The following TSNARE1 variants were observed in gnomAD, a reference collection of about 807,000 sequenced individuals.
TSNARE1 encodes t-SNARE domain containing 1.
A neutral mutation model predicts 62.0 loss-of-function variants in TSNARE1; 49 were observed. The ratio of observed to expected loss-of-function variants is 0.79; its 90% CI spans 0.63 to 1.00. The LOEUF (loss-of-function observed/expected upper bound fraction) is 1.00. TSNARE1 is among the 50% of genes least tolerant of loss of function. The pLI is 0.00. For synonymous variants in TSNARE1, 328 were observed against 294.4 expected (o/e 1.11, Z -1.17); for missense variants, 755 against 700.1 (o/e 1.08, Z -0.88).
At chr8:142,277,761 G>A in intron 11 of TSNARE1, 1 of 985,402 alleles carries the variant, frequency 1.0e-6, no homozygotes. Context: ...ATCCACCAGG[G>A]GTCACAGAAG....
At chr8:142,275,774 C>T in intron 11 of TSNARE1, 1 of 985,372 alleles carries the variant, frequency 1.0e-6, no homozygotes, top group Non-Finnish European at 1.2e-6. Context: ...CAGACCTGAG[C>T]TGACTTGAGC....
At chr8:142,378,243 C>A (rs1183756362) in intron 1 of TSNARE1, among the ~76,000 whole-genome samples, 1 of 152,238 alleles carries the variant, frequency 6.6e-6, no homozygotes, top group African/African-American at 2.4e-5. Flanking sequence ...GCGGACGCCA[C>A]ACCCACAGTT....
At chr8:142,259,193 G>A (rs1047164889) in intron 12 of TSNARE1, among the ~76,000 whole-genome samples, 9 of 152,246 alleles carry the variant, frequency 5.9e-5, no homozygotes, top group Non-Finnish European at 8.8e-5. Flanking sequence ...GCAGAAGGGC[G>A]ACAGCACCCC....
chr8:142,402,634 G>A (rs1195074320), intron 1 of TSNARE1, among the ~76,000 whole-genome samples: 3 of 152,246 alleles, frequency 2.0e-5, no homozygotes, highest in Non-Finnish European at 4.4e-5. Flanking sequence ...CAAGCACACA[G>A]GAACGGGGTC....
intron 1 of TSNARE1, among the ~76,000 whole-genome samples, chr8:142,357,495 G>A (rs897839659): frequency 6.6e-6 from 1 of 152,226 alleles, no homozygotes; most frequent in African/African-American, 2.4e-5. Flanking sequence ...GCTGCTGGGG[G>A]CACGTGAGGG....
chr8:142,239,369 T>C (rs1817581281), intron 12 of TSNARE1, among the ~76,000 whole-genome samples: 2 of 152,082 alleles, frequency 1.3e-5, no homozygotes, highest in Non-Finnish European at 2.9e-5. Context: ...GAACTAAAAA[T>C]AACCGGTAAC....
At chr8:142,334,811 C>A (rs974041123) in intron 4 of TSNARE1, among the ~76,000 whole-genome samples, 4 of 152,020 alleles carry the variant, frequency 2.6e-5, no homozygotes, top group African/African-American at 4.8e-5. Flanking sequence ...AAGTGCTGGA[C>A]GGAAAAACCT....
chr8:142,256,629 C>T (rs2130361029), intron 12 of TSNARE1, among the ~76,000 whole-genome samples: 1 of 151,740 alleles, frequency 6.6e-6, no homozygotes, highest in Non-Finnish European at 1.5e-5. Flanking sequence ...ACCACCACCA[C>T]CACAATCAGC....
At chr8:142,361,385 A>G (rs1230724090) in intron 1 of TSNARE1, among the ~76,000 whole-genome samples, 1 of 152,224 alleles carries the variant, frequency 6.6e-6, no homozygotes, top group African/African-American at 2.4e-5. Flanking sequence ...ACATGAGCGC[A>G]GGGACGGGCT....
rs534321755 is a variant in TSNARE1, at chr8:142,395,447, C to CG, written c.-40+7656dup. On this transcript the variant is annotated intron_variant, in intron 1 of 13. Coordinates refer to ENST00000524325, the MANE Select transcript of TSNARE1 (RefSeq NM_145003.5). ...CAGAGGGGCGGCCCCAGCAAAGACA[C>CG]GGGGGGCAGGCTGCAGGCAGCCTGC... 4.1e-3 allele frequency among the ~76,000 whole-genome samples: 627 copies of CG among 152,226 alleles called. 10 individuals carry two copies. Among genetic ancestry groups the CG allele is most frequent in the East Asian group, 0.025 (130 of 5,146 alleles).
intron 1 of TSNARE1, among the ~76,000 whole-genome samples, chr8:142,375,126 C>T (rs867528041): frequency 2.6e-5 from 4 of 152,380 alleles, no homozygotes; most frequent in South Asian, 2.1e-4. Context: ...GGTCACAGTA[C>T]ACTCCAAGCC....
At chr8:142,338,647 A>G (rs1832114213) in intron 4 of TSNARE1, among the ~76,000 whole-genome samples, 1 of 152,248 alleles carries the variant, frequency 6.6e-6, no homozygotes, top group African/African-American at 2.4e-5. Flanking sequence ...GCCACCAGGC[A>G]TGACACTGGC....
At position 142,291,104 on chromosome 8, in the gene TSNARE1, G is replaced by A. The variant is rs144176769; in HGVS notation, c.1291-6619C>T. Among the ~76,000 whole-genome samples the A allele has an allele frequency of 1.6e-3, 249 of 152,204 alleles. No homozygotes were observed. Among genetic ancestry groups the A allele is most frequent in the African/African-American group, 5.8e-3 (242 of 41,538 alleles). Reference sequence around the variant, plus strand: ...ATTGCTGCTCGCCACCCGCTGCTCAGGACTGGTGTCCTCAGCTGGGGATTA... The same window carrying A: ...ATTGCTGCTCGCCACCCGCTGCTCAAGACTGGTGTCCTCAGCTGGGGATTA... On this transcript the variant is annotated intron_variant, in intron 10 of 13. Transcript: ENST00000524325. The surrounding 1 kb of genome is among the most constrained non-coding windows in gnomAD (Gnocchi z 4.8).
chr8:142,243,424 G>C (rs538383948), intron 12 of TSNARE1, among the ~76,000 whole-genome samples: 1 of 152,312 alleles, frequency 6.6e-6, no homozygotes, highest in East Asian at 1.9e-4. Flanking sequence ...GCTTCTTAAA[G>C]AAGGAAATCC....
intron 2 of TSNARE1, among the ~76,000 whole-genome samples, chr8:142,347,289 G>C (rs975705814): frequency 3.9e-5 from 6 of 152,218 alleles, no homozygotes; most frequent in Admixed American, 6.5e-5. Context: ...ACACTGCCCT[G>C]GGAAAACCAG....
chr8:142,314,270 C>G (rs1042076450), intron 9 of TSNARE1, 114 bp downstream of exon 9: 5 of 987,176 alleles, frequency 5.1e-6, no homozygotes, highest in Non-Finnish European at 7.6e-6. Flanking sequence ...CAGGGCGCCC[C>G]TCAGATGACA....
At chr8:142,255,521 C>T (rs1167301445) in intron 12 of TSNARE1, among the ~76,000 whole-genome samples, 2 of 47,642 alleles carry the variant, frequency 4.2e-5, no homozygotes, top group African/African-American at 1.1e-4. Flanking sequence ...ACCATCACCA[C>T]CACCACCACC....
chr8:142,361,317 T>G (rs1456988287), intron 1 of TSNARE1, among the ~76,000 whole-genome samples: 2 of 152,178 alleles, frequency 1.3e-5, no homozygotes, highest in Non-Finnish European at 2.9e-5. Flanking sequence ...CAAGGGCAGC[T>G]GATTGGATGT....
chr8:142,327,161 G>T (rs528396275), intron 6 of TSNARE1, among the ~76,000 whole-genome samples: 5 of 152,212 alleles, frequency 3.3e-5, no homozygotes, highest in African/African-American at 9.6e-5. Context: ...AACACCTACC[G>T]CAAACATTCA....
Sources: allele counts gnomAD v4.1 joint callset (sites outside exome capture counted in the v4.1 genomes callset), GRCh38; gene constraint gnomAD v4.1.1; non-coding constraint Gnocchi (gnomAD v3.1); transcripts MANE v1.5; gene names NCBI Gene and HGNC (gene_info 2026-07-23, HGNC 2026-07-21).